The following GOLGA3 variants were observed in gnomAD, a reference collection of about 807,000 sequenced individuals.
GOLGA3 encodes golgin subfamily A member 3.
A neutral mutation model predicts 169.4 loss-of-function variants in GOLGA3; 75 were observed. That is an observed-to-expected ratio of 0.44 (90% confidence interval 0.37 to 0.54). The LOEUF is 0.54. GOLGA3 is among the 20% of genes least tolerant of loss of function. GOLGA3 has a pLI of 0.00. For synonymous variants in GOLGA3, 824 were observed against 822.4 expected, an observed-to-expected ratio of 1.00 and a Z score of -0.03; for missense variants, 1,899 against 1,930.0, an observed-to-expected ratio of 0.98 and a Z score of 0.30.
rs1424904577 is a variant in GOLGA3 at position 132,771,589 on chromosome 12, C to T, written c.*1516G>A. 2 of 152,086 alleles carry T rather than the reference C, an allele frequency of 1.3e-5. No homozygotes were observed. Among genetic ancestry groups the T allele is most frequent in the African/African-American group, 2.4e-5 (1 of 41,390 alleles). The allele number at this position is 152,086 out of a possible 1,614,324, so 9.4% of individuals were successfully genotyped here. Reference sequence around the variant, plus strand: ...ACACCTGGGAGAGCACAGCCACCTTCCTCACGGTGCCTGCCTGTCTCTTCC... The same window carrying T: ...ACACCTGGGAGAGCACAGCCACCTTTCTCACGGTGCCTGCCTGTCTCTTCC... On this transcript the variant is annotated 3_prime_UTR_variant, in exon 24 of 24. Coordinates refer to ENST00000450791, the MANE Select transcript of GOLGA3 (RefSeq NM_001389683.1).
In GOLGA3 at chr12:132,786,567, T is replaced by C. The variant is rs1309273164; in HGVS notation, c.2907-12A>G. 13 of 1,612,338 alleles carry C rather than the reference T, an allele frequency of 8.1e-6. No individual in the cohort carries two copies. Among genetic ancestry groups the C allele is most frequent in the African/African-American group, 4.0e-5 (3 of 74,960 alleles). ...GTTCCGTGATGGCCCTGGGGTGTCA[T>C]GAGGGAGACACAGGAGGAAGCTGAA... On this transcript the variant is annotated splice_polypyrimidine_tract_variant and intron_variant, in intron 14 of 23. Transcript: ENST00000450791.
At chr12:132,812,007 AAAAAAAAAAAAAAAAACATT>A (rs1366190688) in intron 4 of GOLGA3, among the ~76,000 whole-genome samples, 1 of 148,650 alleles carries the variant, frequency 6.7e-6, no homozygotes, top group East Asian at 2.0e-4. Flanking sequence ...TCTCTCAAAA[AAAAAAAAAAAAAAAAACATT>A]AAAAAAAAAA....
chr12:132,776,917 G>A (rs753646760), intron 20 of GOLGA3, 41 bp downstream of exon 20: 36 of 1,550,944 alleles, frequency 2.3e-5, no homozygotes, highest in African/African-American at 5.5e-5. Context: ...CAGGGCACCC[G>A]TGAGTCCAGC....
Position 132,770,251 on chromosome 12 carries a change from T to C in GOLGA3, c.*2854A>G, listed in dbSNP as rs1331734229. 1.4e-5 allele frequency: 2 copies of C among 144,244 alleles called. No homozygotes were observed. The highest frequency in any genetic ancestry group is 2.2e-4 in the South Asian group (1 of 4,524). 8.9% of individuals were successfully genotyped at this position (144,244 alleles called of 1,614,324 possible). On this transcript the variant is annotated 3_prime_UTR_variant, in exon 24 of 24. Transcript: ENST00000450791. ...CTGTCTCAAAAAAAAAAAAAAAAAA[T>C]TCCAACTTCCTCTTTTAGGCGTCTT...
Position 132,811,370 on chromosome 12 carries a change from C to T in GOLGA3, c.519+1937G>A, listed in dbSNP as rs551662034. Reference sequence around the variant, plus strand: ...CCCCATCTAGAACCCAGGCCCTCTGCGGCCATTCTAACTTATTTCTCAGTT... The same window carrying T: ...CCCCATCTAGAACCCAGGCCCTCTGTGGCCATTCTAACTTATTTCTCAGTT... On this transcript the variant is annotated intron_variant, in intron 4 of 23. Coordinates refer to ENST00000450791, the MANE Select transcript of GOLGA3 (RefSeq NM_001389683.1). 1.1e-3 allele frequency among the ~76,000 whole-genome samples: 168 copies of T among 152,288 alleles called. 1 individual carries two copies. Among genetic ancestry groups the T allele is most frequent in the African/African-American group, 2.7e-3 (112 of 41,556 alleles).
At position 132,828,808 on chromosome 12, in the gene GOLGA3, T is replaced by A. The variant is rs908965565; in HGVS notation, c.-189A>T. On this transcript the variant is annotated 5_prime_UTR_variant, in exon 1 of 24. Transcript: ENST00000450791. ...GCGGCCTCCGAGCCCCTCACCCTGC[T>A]GCTCTGGCAGCCCCGGAGGCCGCCC... 106 of 152,396 alleles carry A rather than the reference T, an allele frequency of 7.0e-4. No individual in the cohort carries two copies. The highest frequency in any genetic ancestry group is 2.4e-3 in the African/African-American group (99 of 41,540). 9.4% of individuals were successfully genotyped at this position (152,396 alleles called of 1,614,324 possible).
chr12:132,799,257 T>A (rs1949018142), intron 8 of GOLGA3, among the ~76,000 whole-genome samples: 1 of 152,156 alleles, frequency 6.6e-6, no homozygotes, highest in Non-Finnish European at 1.5e-5. Context: ...TTCTCCTCCC[T>A]CCTGAACGTT....
rs752245819 is a variant in GOLGA3, at chr12:132,808,013, C to G, written c.1056G>C (p.Ala352=). 6.2e-7 allele frequency: 1 copy of G among 1,611,228 alleles called. No individual in the cohort carries two copies. Among genetic ancestry groups the G allele is most frequent in the South Asian group, 1.1e-5 (1 of 90,742 alleles). The change falls in exon 5 of 24, where the codon GCG becomes GCC. Residue 352 remains alanine, a synonymous_variant. Coordinates refer to ENST00000450791, the MANE Select transcript of GOLGA3 (RefSeq NM_001389683.1). ...PYMVNGQEIP[A]DTLGQFPSIK... is the part of the protein sequence containing the mutation. ...TGGAGGGGAACTGGCCCAGGGTATC[C>G]GCAGGAATCTCCTGGCCGTTGACCA...
rs1211749519 is a variant in GOLGA3, at chr12:132,804,070, C to T, written c.1597+646G>A. Among the ~76,000 whole-genome samples the T allele has an allele frequency of 6.6e-6, 1 of 152,322 alleles. No homozygotes were observed. Among genetic ancestry groups the T allele is most frequent in the East Asian group, 1.9e-4 (1 of 5,176 alleles). ...GACTGAGGGGGTGGAAGGCGTGCTG[C>T]CAAGCCACATGGAAGCCCGCCGCGG... is the stretch of plus-strand genomic sequence containing the variant. On this transcript the variant is annotated intron_variant, in intron 7 of 23. Transcript: ENST00000450791. This position sits in a 1 kb window ranked among gnomAD's most constrained non-coding sequence, Gnocchi z 4.1.
chr12:132,805,103 G>A (rs1050728590), intron 6 of GOLGA3, 81 bp from the exon 7 acceptor site: 106 of 1,462,948 alleles, frequency 7.2e-5, no homozygotes, highest in African/African-American at 2.5e-4. Flanking sequence ...CACAACCAGC[G>A]AGTCAGTCAG....
chr12:132,827,177 G>A (rs1052025823), intron 1 of GOLGA3, among the ~76,000 whole-genome samples: 1 of 152,122 alleles, frequency 6.6e-6, no homozygotes, highest in Non-Finnish European at 1.5e-5. Context: ...TGTTCCTATC[G>A]GGTATTAGAA....
At chr12:132,824,686 G>A (rs980468379) in intron 1 of GOLGA3, among the ~76,000 whole-genome samples, 2 of 152,190 alleles carry the variant, frequency 1.3e-5, no homozygotes, top group African/African-American at 2.4e-5. Context: ...TCATGTTTGC[G>A]TCTATGATCA....
chr12:132,820,669 A>G (rs1241396937), intron 2 of GOLGA3, among the ~76,000 whole-genome samples: 3 of 152,174 alleles, frequency 2.0e-5, no homozygotes, highest in African/African-American at 7.2e-5. Context: ...AACTGAGTGA[A>G]TAACTAAGTC....
intron 8 of GOLGA3, among the ~76,000 whole-genome samples, 164 bp from the exon 9 acceptor site, chr12:132,798,641 G>A (rs1017616556): frequency 1.0e-4 from 15 of 150,130 alleles, no homozygotes; most frequent in Non-Finnish European, 1.9e-4. Context: ...CAAAATATGC[G>A]CTGTCTGGGC....
chr12:132,822,534 C>T (rs1242489129), intron 1 of GOLGA3, among the ~76,000 whole-genome samples: 2 of 152,218 alleles, frequency 1.3e-5, no homozygotes, highest in Admixed American at 6.5e-5. Flanking sequence ...ATGTCTGTAT[C>T]GGTGCCAACT....
chr12:132,786,146 T>C (rs1461764337), intron 15 of GOLGA3, among the ~76,000 whole-genome samples, 193 bp downstream of exon 15: 2 of 152,306 alleles, frequency 1.3e-5, no homozygotes, highest in African/African-American at 2.4e-5. Context: ...GTGGGGTTCA[T>C]GAGGGAGACG....
chr12:132,780,525 A>G (rs551650612), intron 18 of GOLGA3, among the ~76,000 whole-genome samples: 11 of 152,256 alleles, frequency 7.2e-5, no homozygotes, highest in Non-Finnish European at 1.3e-4. Context: ...GCAATGCAAC[A>G]CGACATACAG....
intron 1 of GOLGA3, 187 bp downstream of exon 1, chr12:132,828,614 GGC>G (rs1950522632): frequency 6.6e-6 from 1 of 152,308 alleles, no homozygotes; most frequent in South Asian, 2.0e-4. Flanking sequence ...CGCAGCTGAA[GGC>G]GGGCGCCCAG....
chr12:132,797,854 G>C (rs1948930735), intron 9 of GOLGA3, among the ~76,000 whole-genome samples: 1 of 152,246 alleles, frequency 6.6e-6, no homozygotes, highest in South Asian at 2.1e-4. Context: ...ACAGCGTGTG[G>C]TTGCTGGAGG....
Sources: allele counts gnomAD v4.1 joint callset (sites outside exome capture counted in the v4.1 genomes callset), GRCh38; gene constraint gnomAD v4.1.1; non-coding constraint Gnocchi (gnomAD v3.1); transcripts MANE v1.5; gene names NCBI Gene and HGNC (gene_info 2026-07-23, HGNC 2026-07-21).